Variants in PTPRO observed in about 807,000 individuals in gnomAD.
PTPRO encodes the protein receptor-type tyrosine-protein phosphatase O.
In PTPRO, 62 loss-of-function variants were observed where a neutral mutation model predicts 145.2. The ratio of observed to expected loss-of-function variants is 0.43; its 90% CI spans 0.35 to 0.53. The LOEUF is 0.53. PTPRO is among the 20% of genes least tolerant of loss of function. PTPRO has a pLI of 0.01. For missense variants in PTPRO, 1,345 were observed against 1,482.7 expected (o/e 0.91, Z 1.53); for synonymous variants, 565 against 514.7 (o/e 1.10, Z -1.32).
chr12:15,428,050 G>C (rs967993771), intron 1 of PTPRO, among the ~76,000 whole-genome samples: 2 of 152,104 alleles, frequency 1.3e-5, no homozygotes, highest in African/African-American at 2.4e-5. Flanking sequence ...CTTCTTCCCT[G>C]ACTAGGAGAG....
At chr12:15,355,639 T>A (rs1378289799) in intron 1 of PTPRO, among the ~76,000 whole-genome samples, 1 of 152,210 alleles carries the variant, frequency 6.6e-6, no homozygotes, top group Non-Finnish European at 1.5e-5. Flanking sequence ...AAGGAAATGC[T>A]TGAAATTTTG....
rs1231085828 is a variant in PTPRO, at chr12:15,335,379, A to G, written c.75+12578A>G. 3.3e-5 allele frequency among the ~76,000 whole-genome samples: 5 copies of G among 152,110 alleles called. No individual in the cohort carries two copies. The East Asian group carries it at 5.8e-4, about 18-fold the overall frequency. On this transcript the variant is annotated intron_variant, in intron 1 of 26. Coordinates refer to ENST00000281171, the MANE Select transcript of PTPRO (RefSeq NM_030667.3). ...TCATGTGGTCATCTCTTAAAGGATT[A>G]TAGAAAAAAAAGGTTTTTATGAAAT...
chr12:15,459,148 G>A (rs1038361749), intron 1 of PTPRO, among the ~76,000 whole-genome samples: 1 of 152,168 alleles, frequency 6.6e-6, no homozygotes, highest in Non-Finnish European at 1.5e-5. Flanking sequence ...GCAATCCCTG[G>A]AAAAATTGAA....
chr12:15,377,339 C>T (rs1197859762), intron 1 of PTPRO, among the ~76,000 whole-genome samples: 2 of 151,874 alleles, frequency 1.3e-5, no homozygotes, highest in Non-Finnish European at 2.9e-5. Context: ...ATGTAAATCC[C>T]ACCTTAAACT....
At chr12:15,369,258 C>T (rs1245608427) in intron 1 of PTPRO, among the ~76,000 whole-genome samples, 1 of 152,096 alleles carries the variant, frequency 6.6e-6, no homozygotes, top group Non-Finnish European at 1.5e-5. Flanking sequence ...GAAACATACC[C>T]TATGATTAAA....
intron 17 of PTPRO, among the ~76,000 whole-genome samples, chr12:15,561,456 T>C (rs887955592): frequency 1.3e-5 from 2 of 152,088 alleles, no homozygotes; most frequent in Non-Finnish European, 2.9e-5. Context: ...ATATCTTCTT[T>C]TAAAAAAAGA....
chr12:15,407,495 A>C (rs1939680236), intron 1 of PTPRO, among the ~76,000 whole-genome samples: 1 of 152,202 alleles, frequency 6.6e-6, no homozygotes, highest in Non-Finnish European at 1.5e-5. Flanking sequence ...AAACAGAAAA[A>C]TCAGAAGATG....
intron 1 of PTPRO, among the ~76,000 whole-genome samples, chr12:15,406,319 T>C (rs937268265): frequency 6.6e-6 from 1 of 152,156 alleles, no homozygotes; most frequent in Non-Finnish European, 1.5e-5. Flanking sequence ...CAGAGATAAA[T>C]GATTTCTGTA....
chr12:15,553,726 A>G (rs979190865), intron 15 of PTPRO, among the ~76,000 whole-genome samples: 28 of 152,222 alleles, frequency 1.8e-4, no homozygotes, highest in African/African-American at 6.8e-4. Flanking sequence ...ACTTTTATGT[A>G]GAAAACAGGC....
intron 12 of PTPRO, among the ~76,000 whole-genome samples, chr12:15,542,847 C>G (rs1943206776): frequency 6.6e-6 from 1 of 152,128 alleles, no homozygotes; most frequent in African/African-American, 2.4e-5. Flanking sequence ...AGCCACATTT[C>G]AAGTACGCAA....
At chr12:15,448,362 C>CAAAAAAAAAAAAAAAA (rs1555164031) in intron 1 of PTPRO, among the ~76,000 whole-genome samples, 2 of 12,738 alleles carry the variant, frequency 1.6e-4, no homozygotes, top group Non-Finnish European at 1.0e-3. Flanking sequence ...AAAAAAAAAG[C>CAAAAAAAAAAAAAAAA]ACCGATTGAG....
intron 1 of PTPRO, among the ~76,000 whole-genome samples, chr12:15,437,118 G>C (rs975797190): frequency 1.3e-5 from 2 of 151,762 alleles, no homozygotes; most frequent in African/African-American, 4.8e-5. Context: ...TGGTGGTACA[G>C]AGAGGGTCTC....
At chr12:15,438,248 G>A (rs963368202) in intron 1 of PTPRO, among the ~76,000 whole-genome samples, 47 of 152,098 alleles carry the variant, frequency 3.1e-4, no homozygotes, top group Admixed American at 3.1e-3. Flanking sequence ...AATTAGAAGT[G>A]CCAGTGTCTC....
intron 19 of PTPRO, among the ~76,000 whole-genome samples, chr12:15,570,025 G>C (rs558490893): frequency 6.6e-6 from 1 of 152,222 alleles, no homozygotes; most frequent in Non-Finnish European, 1.5e-5. Flanking sequence ...GACAAATTGG[G>C]GAGATAAAGT....
At chr12:15,429,223 G>T (rs987474196) in intron 1 of PTPRO, among the ~76,000 whole-genome samples, 14 of 152,150 alleles carry the variant, frequency 9.2e-5, no homozygotes, top group Non-Finnish European at 1.9e-4. Flanking sequence ...AGATAGAAAT[G>T]TTGAGAACAA....
intron 12 of PTPRO, among the ~76,000 whole-genome samples, chr12:15,532,008 T>C (rs1386167446): frequency 6.6e-6 from 1 of 152,164 alleles, no homozygotes; most frequent in Non-Finnish European, 1.5e-5. Flanking sequence ...GGCAGTGATG[T>C]ACTTTTAGAA....
chr12:15,574,581 T>G (rs575004717), intron 19 of PTPRO, among the ~76,000 whole-genome samples: 1 of 152,342 alleles, frequency 6.6e-6, no homozygotes, highest in East Asian at 1.9e-4. Flanking sequence ...TTGCTATAGA[T>G]GGAACCTCTT....
intron 2 of PTPRO, among the ~76,000 whole-genome samples, chr12:15,493,090 G>A (rs1264354264): frequency 6.6e-6 from 1 of 151,936 alleles, no homozygotes; most frequent in African/African-American, 2.4e-5. Context: ...AAGCTTGAAA[G>A]GTACAAGAGA....
rs759412662 is a variant in PTPRO at position 15,484,157 on chromosome 12, A to G, written c.259A>G (p.Ser87Gly). ...GCCTCCTCCTGTTATTTTCAAGGCC[A>G]GTTATCATGGCCTTTATTATATAAT... ...TLPPPVIFKASYHGLYYIITL... is the reference protein window; with the variant it reads ...TLPPPVIFKAGYHGLYYIITL... Residue 87 changes from serine to glycine, a missense_variant, in exon 2 of 27, where the codon AGT becomes GGT. By Grantham distance (56) the Ser-to-Gly change is moderately conservative. Transcript: ENST00000281171. 5.0e-6 allele frequency: 8 copies of G among 1,613,768 alleles called. No homozygotes were observed. Among genetic ancestry groups the G allele is most frequent in the Non-Finnish European group, 5.9e-6 (7 of 1,179,776 alleles).
Sources: gnomAD v4.1 joint callset for allele counts (sites outside exome capture counted in the v4.1 genomes callset) on GRCh38, gnomAD v4.1.1 for gene constraint, MANE v1.5 for transcripts, NCBI Gene and HGNC (gene_info 2026-07-23, HGNC 2026-07-21) for gene names.